SOBP: variants seen among roughly 807,000 people sequenced by gnomAD.
SOBP encodes sine oculis-binding protein homolog.
In SOBP, 4 loss-of-function variants were observed where a neutral mutation model predicts 53.6. The observed-to-expected ratio is 0.07, with a 90% CI of 0.04 to 0.17. The LOEUF (loss-of-function observed/expected upper bound fraction) is 0.17, where lower values mean the gene tolerates loss of function less well. Ranked by LOEUF, SOBP falls within the 10% of genes least tolerant of loss-of-function variation. The pLI, the probability that SOBP is intolerant of heterozygous loss-of-function variation, is 1.00. For synonymous variants in SOBP, 584 were observed against 522.6 expected, an observed-to-expected ratio of 1.12 and a Z score of -1.60; for missense variants, 1,088 against 1,204.7, an observed-to-expected ratio of 0.90 and a Z score of 1.43.
In SOBP at chr6:107,661,182, TTC is replaced by T. The variant is rs1772279925; in HGVS notation, c.*2981_*2982del. On this transcript the variant is annotated 3_prime_UTR_variant, in exon 7 of 7. Coordinates refer to ENST00000317357, the MANE Select transcript of SOBP (RefSeq NM_018013.4). ...GTACCTTTGTTCCAGCATAGAAAGA[TTC>T]TGTGGCATCTCATAAGCCATCAGCA... Among the ~76,000 whole-genome samples the T allele has an allele frequency of 6.6e-6, 1 of 152,222 alleles. No individual in the cohort carries two copies. Among genetic ancestry groups the T allele is most frequent in the Non-Finnish European group, 1.5e-5 (1 of 68,042 alleles).
intron 3 of SOBP, among the ~76,000 whole-genome samples, chr6:107,509,042 A>G (rs1379062580): frequency 6.6e-6 from 1 of 152,188 alleles, no homozygotes. Flanking sequence ...CAGTTTTCTC[A>G]TCTGTAAAAT....
intron 3 of SOBP, among the ~76,000 whole-genome samples, chr6:107,523,013 A>T (rs1450717019): frequency 6.6e-6 from 1 of 152,132 alleles, no homozygotes; most frequent in African/African-American, 2.4e-5. Flanking sequence ...GGGGACTGGA[A>T]ATGGAGAGGG....
chr6:107,567,234 A>G (rs1784944849), intron 4 of SOBP, among the ~76,000 whole-genome samples: 1 of 152,234 alleles, frequency 6.6e-6, no homozygotes, highest in Non-Finnish European at 1.5e-5. Flanking sequence ...GAAGACGGAC[A>G]CATTTTCTTC....
intron 5 of SOBP, among the ~76,000 whole-genome samples, chr6:107,596,625 A>G (rs1353586059): frequency 6.6e-6 from 1 of 152,184 alleles, no homozygotes; most frequent in Non-Finnish European, 1.5e-5. Flanking sequence ...TTAAAATAAG[A>G]AACTTTACTT....
intron 2 of SOBP, 74 bp downstream of exon 2, chr6:107,503,869 T>G (rs1782907988): frequency 1.3e-6 from 2 of 1,558,698 alleles, no homozygotes; most frequent in Non-Finnish European, 1.8e-6. Context: ...TTGAGTTGCT[T>G]TGGGACTCAA....
At chr6:107,621,505 G>C (rs1029166844) in intron 5 of SOBP, among the ~76,000 whole-genome samples, 7 of 152,132 alleles carry the variant, frequency 4.6e-5, no homozygotes, top group Non-Finnish European at 1.0e-4. Flanking sequence ...AAGCAGTCCA[G>C]CACATCCCTC....
intron 5 of SOBP, among the ~76,000 whole-genome samples, chr6:107,599,289 C>T (rs1357274645): frequency 5.3e-5 from 8 of 152,002 alleles, no homozygotes; most frequent in African/African-American, 1.9e-4. Flanking sequence ...AGCAAGTGCT[C>T]AATAAAGTGT....
intron 6 of SOBP, among the ~76,000 whole-genome samples, chr6:107,650,669 A>G (rs1771765261): frequency 6.6e-6 from 1 of 152,190 alleles, no homozygotes; most frequent in Non-Finnish European, 1.5e-5. Flanking sequence ...TGACTGCTCC[A>G]CCAACTGGCT....
chr6:107,529,586 A>G (rs1783761576), intron 3 of SOBP: 5 of 985,286 alleles, frequency 5.1e-6, no homozygotes, highest in Non-Finnish European at 3.6e-6. Flanking sequence ...TTAATGCCCT[A>G]CTGATTTTCT....
Position 107,635,567 on chromosome 6 carries a change from T to C in SOBP, c.*3+98T>C. The C allele has an allele frequency of 6.5e-7, 1 of 1,527,122 alleles. No homozygotes were observed. Among genetic ancestry groups the C allele is most frequent in the Non-Finnish European group, 9.0e-7 (1 of 1,115,408 alleles). The allele number at this position is 1,527,122 out of a possible 1,614,324, so 94.6% of individuals were successfully genotyped here. A position where few individuals can be genotyped will look rare whatever the true frequency, so the allele number is the denominator to read the frequency against. On this transcript the variant is annotated intron_variant, in intron 6 of 6. Transcript: ENST00000317357. The surrounding 1 kb of genome is among the most constrained non-coding windows in gnomAD (Gnocchi z 4.5). ...AGAGTTGTAATTATAGTCATGATTTTACCGTGTGTGTTTTATATTGCACAC... is the reference window on the plus strand; with the variant it reads ...AGAGTTGTAATTATAGTCATGATTTCACCGTGTGTGTTTTATATTGCACAC...
chr6:107,538,793 A>G (rs1374746318), intron 4 of SOBP, among the ~76,000 whole-genome samples: 1 of 152,150 alleles, frequency 6.6e-6, no homozygotes, highest in East Asian at 1.9e-4. Flanking sequence ...ATTGTCTTGT[A>G]TTTTGAAATA....
At chr6:107,494,707 T>C (rs1183388668) in intron 1 of SOBP, among the ~76,000 whole-genome samples, 2 of 152,248 alleles carry the variant, frequency 1.3e-5, no homozygotes, top group African/African-American at 4.8e-5. Flanking sequence ...GAGATGCTTC[T>C]TTGCTGAAGA....
Position 107,633,961 on chromosome 6 carries a change from G to C in SOBP, c.1117G>C (p.Gly373Arg), listed in dbSNP as rs775449086. 23 of 1,613,998 alleles carry C rather than the reference G, an allele frequency of 1.4e-5. No homozygotes were observed. The highest frequency in any genetic ancestry group is 3.3e-5 in the Admixed American group (2 of 60,012). The change falls in exon 6 of 7, where the codon GGG (glycine) becomes CGG (arginine). Residue 373 changes from glycine to arginine, a missense_variant. By Grantham distance (125) the Gly-to-Arg change is moderately radical. This residue lies in a region of SOBP where 211 missense variants were observed against 258.9 expected (regional missense o/e 0.82). Transcript: ENST00000317357. Reference sequence around the variant, plus strand: ...CTCCGTCCAGCCACCTGCTAGCATCGGGCCTCCCCTTGGCGTCCCGCCTCG... The same window carrying C: ...CTCCGTCCAGCCACCTGCTAGCATCCGGCCTCCCCTTGGCGTCCCGCCTCG... ...PVSVQPPASI[G>R]PPLGVPPRSP...
At chr6:107,522,203 T>C (rs1181144181) in intron 3 of SOBP, among the ~76,000 whole-genome samples, 5 of 152,014 alleles carry the variant, frequency 3.3e-5, no homozygotes, top group Admixed American at 6.5e-5. Context: ...CAGACAGGTG[T>C]GAGGCTGGCC....
At chr6:107,576,455 C>T (rs1379483223) in intron 4 of SOBP, among the ~76,000 whole-genome samples, 1 of 152,198 alleles carries the variant, frequency 6.6e-6, no homozygotes, top group Non-Finnish European at 1.5e-5. Flanking sequence ...GTAACACTGT[C>T]CCAGGCCAGA....
chr6:107,592,580 G>A (rs1297564918), intron 5 of SOBP, among the ~76,000 whole-genome samples: 1 of 152,114 alleles, frequency 6.6e-6, no homozygotes, highest in Non-Finnish European at 1.5e-5. Flanking sequence ...TTACAGCTGA[G>A]CAACACAGGC....
intron 6 of SOBP, among the ~76,000 whole-genome samples, chr6:107,647,310 T>C (rs1771601958): frequency 6.6e-6 from 1 of 152,130 alleles, no homozygotes; most frequent in South Asian, 2.1e-4. Context: ...CCCAGAGTCA[T>C]GTGGCCAGTA....
intron 5 of SOBP, among the ~76,000 whole-genome samples, chr6:107,617,845 T>TC (rs1562103812): frequency 2.2e-5 from 3 of 133,668 alleles, no homozygotes; most frequent in East Asian, 2.7e-4. Context: ...TTTTTTTTTT[T>TC]CTGAGACGGA....
rs1195038886 is a variant in SOBP at position 107,658,721 on chromosome 6, C to T, written c.*518C>T. The T allele has an allele frequency of 6.6e-6, 1 of 152,496 alleles. No individual in the cohort carries two copies. Among genetic ancestry groups the T allele is most frequent in the African/African-American group, 2.4e-5 (1 of 41,402 alleles). 9.4% of individuals were successfully genotyped at this position (152,496 alleles called of 1,614,324 possible). A position where few individuals can be genotyped will look rare whatever the true frequency, so the allele number is the denominator to read the frequency against. On this transcript the variant is annotated 3_prime_UTR_variant, in exon 7 of 7. Coordinates refer to ENST00000317357, the MANE Select transcript of SOBP (RefSeq NM_018013.4). ...CGTTTTGATGGCGGAGAGGGGTGGT[C>T]CTGGAGGCCCAATGCTTCAGAGTCA... is the stretch of plus-strand genomic sequence containing the variant.
Sources: gnomAD v4.1 joint callset for allele counts (sites outside exome capture counted in the v4.1 genomes callset) on GRCh38, gnomAD v4.1.1 for gene constraint, gnomAD v4.1.1 regional missense constraint, Gnocchi (gnomAD v3.1) non-coding constraint, MANE v1.5 for transcripts, NCBI Gene and HGNC (gene_info 2026-07-23, HGNC 2026-07-21) for gene names.